The following RAB27A variants were observed in gnomAD, a reference collection of about 807,000 sequenced individuals.
RAB27A encodes the protein ras-related protein Rab-27A.
Under a neutral mutation model 20.8 loss-of-function variants are expected in RAB27A, and 17 were observed. The observed-to-expected ratio is 0.82, with a 90% CI of 0.56 to 1.23. The LOEUF is 1.23. Among genes scored for constraint, RAB27A ranks in the 50% most tolerant of loss-of-function variants. The pLI, the probability that RAB27A is intolerant of heterozygous loss-of-function variation, is 0.00. For synonymous variants in RAB27A, 85 were observed against 92.8 expected (o/e 0.92, Z 0.48); for missense variants, 277 against 266.7 (o/e 1.04, Z -0.27).
intron 1 of RAB27A, among the ~76,000 whole-genome samples, chr15:55,274,795 T>TACATATATATATAC: frequency 1.5e-4 from 1 of 6,830 alleles, no homozygotes; most frequent in South Asian, 8.5e-3. Context: ...ATAAATAAAT[T>TACATATATATATAC]ATATATATAT....
chr15:55,312,393 A>C (rs1004709077), intron 2 of RAB27A, among the ~76,000 whole-genome samples: 10 of 152,288 alleles, frequency 6.6e-5, no homozygotes, highest in Middle Eastern at 3.4e-3. Context: ...ATATATTTTC[A>C]ATTATCTTGG....
intron 2 of RAB27A, among the ~76,000 whole-genome samples, chr15:55,303,727 A>G (rs374976406): frequency 1.7e-4 from 18 of 107,106 alleles, no homozygotes; most frequent in Admixed American, 3.7e-4. Context: ...CTGCCCGGCC[A>G]CCCCTACTGG....
intron 2 of RAB27A, among the ~76,000 whole-genome samples, chr15:55,251,874 T>C (rs539161747): frequency 6.6e-5 from 10 of 152,264 alleles, no homozygotes; most frequent in African/African-American, 1.9e-4. Context: ...TACATGAAAG[T>C]ACCCTTGCTT....
At chr15:55,294,493 TG>T (rs1024986326), upstream of RAB27A, among the ~76,000 whole-genome samples, 8 of 142,454 alleles carry the variant, frequency 5.6e-5, no homozygotes, top group African/African-American at 2.1e-4. Context: ...GAAGCTGAGA[TG>T]GGAGGATCGC....
intron 2 of RAB27A, among the ~76,000 whole-genome samples, chr15:55,243,425 A>T (rs1479426387): frequency 6.6e-6 from 1 of 151,500 alleles, no homozygotes; most frequent in African/African-American, 2.4e-5. Context: ...GAGGCCGAGG[A>T]GGGTGGATCA....
chr15:55,299,480 G>C (rs944307555), intron 2 of RAB27A, among the ~76,000 whole-genome samples: 4 of 151,830 alleles, frequency 2.6e-5, no homozygotes, highest in Non-Finnish European at 5.9e-5. Flanking sequence ...TGTAATCCCA[G>C]CTACTCGGAA....
At chr15:55,261,262 T>C (rs1897257662) in intron 2 of RAB27A, among the ~76,000 whole-genome samples, 1 of 151,112 alleles carries the variant, frequency 6.6e-6, no homozygotes, top group Admixed American at 6.6e-5. Flanking sequence ...CCAGGCGCGG[T>C]GGCAGGCACC....
chr15:55,276,485 G>C (rs1478749379), intron 1 of RAB27A, among the ~76,000 whole-genome samples: 1 of 152,160 alleles, frequency 6.6e-6, no homozygotes, highest in Admixed American at 6.5e-5. Flanking sequence ...CGCGACAATT[G>C]CTTGAGCCTA....
chr15:55,263,070 T>C (rs1332392602), intron 2 of RAB27A, among the ~76,000 whole-genome samples: 1 of 152,206 alleles, frequency 6.6e-6, no homozygotes, highest in Non-Finnish European at 1.5e-5. Context: ...TACCAGCTTT[T>C]ATATTTATTC....
In RAB27A at chr15:55,211,496, T is replaced by A. The variant is rs200611611; in HGVS notation, c.468-5791A>T. ...CTTTGGTTAAATTGATTTCTAGGTA[T>A]TTTATATTCTTTGCAGCTATTGTAA... On this transcript the variant is annotated intron_variant, in intron 6 of 6. Coordinates refer to ENST00000336787, the MANE Select transcript of RAB27A (RefSeq NM_183235.3). Among the ~76,000 whole-genome samples the A allele has an allele frequency of 7.9e-5, 12 of 152,302 alleles. No individual in the cohort carries two copies. In the East Asian group the frequency reaches 1.9e-3, roughly 24 times the overall value.
intron 6 of RAB27A, among the ~76,000 whole-genome samples, chr15:55,207,094 A>G (rs1894689180): frequency 6.6e-6 from 1 of 152,232 alleles, no homozygotes; most frequent in Admixed American, 6.5e-5. Context: ...AAATAATGGT[A>G]TATTAACTCA....
intron 1 of RAB27A, among the ~76,000 whole-genome samples, chr15:55,281,613 G>A (rs936697673): frequency 1.3e-5 from 2 of 152,002 alleles, no homozygotes. Flanking sequence ...TTAGGAGGCT[G>A]AAGCAGGAGG....
chr15:55,257,225 C>T (rs1002092467), intron 2 of RAB27A, among the ~76,000 whole-genome samples: 8 of 152,034 alleles, frequency 5.3e-5, no homozygotes, highest in East Asian at 1.9e-4. Context: ...GAGATTGGAT[C>T]GGGGCAGGTT....
At chr15:55,215,212 C>G (rs1895223187) in intron 6 of RAB27A, among the ~76,000 whole-genome samples, 1 of 152,166 alleles carries the variant, frequency 6.6e-6, no homozygotes, top group Admixed American at 6.5e-5. Context: ...AGTCTCCAGC[C>G]TCATTTGATT....
At chr15:55,227,809 T>A (rs1404727577) in intron 5 of RAB27A, among the ~76,000 whole-genome samples, 2 of 152,176 alleles carry the variant, frequency 1.3e-5, no homozygotes, top group Admixed American at 1.3e-4. Flanking sequence ...CCTTTCATAA[T>A]CCCAAAACAG....
chr15:55,252,436 A>C (rs1200038247), intron 2 of RAB27A, among the ~76,000 whole-genome samples: 1 of 152,010 alleles, frequency 6.6e-6, no homozygotes, highest in African/African-American at 2.4e-5. Context: ...CCCCATCTCT[A>C]CTAAAAAATA....
intron 1 of RAB27A, among the ~76,000 whole-genome samples, chr15:55,287,704 G>A (rs1898194639): frequency 6.6e-6 from 1 of 151,674 alleles, no homozygotes; most frequent in Non-Finnish European, 1.5e-5. Context: ...CTGAGATCGT[G>A]CCATTGCACT....
At chr15:55,310,029 G>T (rs959326733) in intron 2 of RAB27A, among the ~76,000 whole-genome samples, 1 of 152,038 alleles carries the variant, frequency 6.6e-6, no homozygotes, top group Admixed American at 6.6e-5. Context: ...ACTTCAAGCA[G>T]GGGACAACAA....
chr15:55,290,939 G>T (rs947517063), upstream of RAB27A, among the ~76,000 whole-genome samples: 1 of 152,202 alleles, frequency 6.6e-6, no homozygotes, highest in Non-Finnish European at 1.5e-5. Flanking sequence ...AGCTGTCGCA[G>T]GCCCACCCGG....
Sources: allele counts gnomAD v4.1 joint callset (sites outside exome capture counted in the v4.1 genomes callset), GRCh38; gene constraint gnomAD v4.1.1; transcripts MANE v1.5; gene names NCBI Gene and HGNC (gene_info 2026-07-23, HGNC 2026-07-21).